ZNF723: variants seen among roughly 807,000 people sequenced by gnomAD.
ZNF723 encodes zinc finger protein 723, pseudogene.
Under a neutral mutation model 9.4 loss-of-function variants are expected in ZNF723, and 5 were observed. The ratio of observed to expected loss-of-function variants is 0.53; its 90% CI spans 0.28 to 1.12. ZNF723 has a LOEUF of 1.12. ZNF723 is among the 50% of genes most tolerant of loss of function. The pLI is 0.10. For synonymous variants in ZNF723, 158 were observed against 168.8 expected (o/e 0.94, Z 0.49); for missense variants, 450 against 501.5 (o/e 0.90, Z 0.98).
upstream of ZNF723, among the ~76,000 whole-genome samples, chr19:22,827,475 T>G (rs1157814656): frequency 6.6e-6 from 1 of 151,014 alleles, no homozygotes; most frequent in African/African-American, 2.5e-5. Context: ...TGAGACAAAG[T>G]CTTGCTCTGT....
At chr19:22,848,683 G>T (rs181850316) in intron 2 of ZNF723, among the ~76,000 whole-genome samples, 39 of 152,044 alleles carry the variant, frequency 2.6e-4, no homozygotes, top group African/African-American at 8.7e-4. Flanking sequence ...TAACATCTAA[G>T]TGTCACCACC....
intron 1 of ZNF723, among the ~76,000 whole-genome samples, chr19:22,836,858 T>G (rs1201976965): frequency 6.6e-6 from 1 of 152,200 alleles, no homozygotes. Flanking sequence ...CTTTCTTCCA[T>G]TTGACATTTC....
chr19:22,817,487 T>C, the ZNF723 span, among the ~76,000 whole-genome samples: 3 of 151,596 alleles, frequency 2.0e-5, no homozygotes, highest in African/African-American at 4.8e-5. Context: ...GCCCAGCAAT[T>C]AGGTGAGGTG....
chr19:22,814,769 C>G, the ZNF723 span, among the ~76,000 whole-genome samples: 2 of 152,124 alleles, frequency 1.3e-5, no homozygotes, highest in Non-Finnish European at 2.9e-5. Context: ...CTGCCTGGGC[C>G]CTACAGATGG....
intron 3 of ZNF723, among the ~76,000 whole-genome samples, chr19:22,854,171 ACAC>A (rs796865581): frequency 6.8e-6 from 1 of 147,424 alleles, no homozygotes; most frequent in Admixed American, 6.8e-5. Context: ...ACACACACAC[ACAC>A]ATTTGTTATG....
At chr19:22,820,768 C>T in the ZNF723 span, among the ~76,000 whole-genome samples, 2,479 of 152,262 alleles carry the variant, frequency 0.016, 69 homozygotes, top group African/African-American at 0.056. Flanking sequence ...ACACGTGATA[C>T]GGTGTTTCTC....
chr19:22,851,936 G>A (rs1172253547), intron 3 of ZNF723, among the ~76,000 whole-genome samples: 2 of 152,024 alleles, frequency 1.3e-5, no homozygotes, highest in East Asian at 1.9e-4. Context: ...GCAGGCATGT[G>A]CCACCACGCC....
chr19:22,837,308 A>AAAAG (rs199950611), intron 1 of ZNF723, among the ~76,000 whole-genome samples: 13 of 151,608 alleles, frequency 8.6e-5, no homozygotes, highest in Admixed American at 2.6e-4. Flanking sequence ...AAGAAAAAAG[A>AAAAG]AAAGAAAGAA....
At chr19:22,831,203 G>C (rs909902694), upstream of ZNF723, among the ~76,000 whole-genome samples, 16 of 152,166 alleles carry the variant, frequency 1.1e-4, 1 homozygote, top group South Asian at 1.7e-3. Flanking sequence ...CCTGAGAACC[G>C]ACAGTGTGCT....
intron 3 of ZNF723, among the ~76,000 whole-genome samples, chr19:22,852,577 T>A (rs1405990311): frequency 6.6e-6 from 1 of 152,222 alleles, no homozygotes; most frequent in African/African-American, 2.4e-5. Context: ...TATTTGTGAA[T>A]ATATTATTTT....
At chr19:22,830,580 G>A (rs1462599395), upstream of ZNF723, among the ~76,000 whole-genome samples, 1 of 151,964 alleles carries the variant, frequency 6.6e-6, no homozygotes, top group African/African-American at 2.4e-5. Flanking sequence ...TATTTCATGG[G>A]TCTGCAGAAG....
chr19:22,856,034 A>G (rs1386636231), intron 3 of ZNF723, among the ~76,000 whole-genome samples: 1 of 152,056 alleles, frequency 6.6e-6, no homozygotes, highest in Non-Finnish European at 1.5e-5. Context: ...GTCTTGGCTC[A>G]CTGCAACTTC....
intron 1 of ZNF723, among the ~76,000 whole-genome samples, chr19:22,836,753 T>C (rs997933551): frequency 2.0e-5 from 3 of 152,234 alleles, no homozygotes; most frequent in African/African-American, 7.2e-5. Flanking sequence ...GAAAAAGATT[T>C]GCAGAGTCTA....
At chr19:22,822,530 T>C in the ZNF723 span, among the ~76,000 whole-genome samples, 2 of 152,174 alleles carry the variant, frequency 1.3e-5, no homozygotes, top group Non-Finnish European at 2.9e-5. Flanking sequence ...CTTCCAATGG[T>C]ACAGAGAGTG....
intron 3 of ZNF723, among the ~76,000 whole-genome samples, chr19:22,855,013 C>G (rs529139427): frequency 1.6e-4 from 25 of 151,994 alleles, no homozygotes; most frequent in Non-Finnish European, 3.4e-4. Flanking sequence ...TGCCATTGCA[C>G]TCCAGCCTGG....
At chr19:22,825,517 G>C in the ZNF723 span, among the ~76,000 whole-genome samples, 1 of 152,230 alleles carries the variant, frequency 6.6e-6, no homozygotes, top group African/African-American at 2.4e-5. Context: ...AAGAATCTAG[G>C]TGATGTAACT....
intron 1 of ZNF723, among the ~76,000 whole-genome samples, chr19:22,847,834 C>G (rs1371084947): frequency 6.6e-6 from 1 of 152,042 alleles, no homozygotes; most frequent in Non-Finnish European, 1.5e-5. Flanking sequence ...GGCGTGGTGT[C>G]TCACACCTGT....
At chr19:22,849,712 C>CA (rs1264231013) in intron 3 of ZNF723, among the ~76,000 whole-genome samples, 5 of 152,096 alleles carry the variant, frequency 3.3e-5, no homozygotes, top group African/African-American at 9.7e-5. Context: ...AGTTCGAGAC[C>CA]AGCCTGGCCA....
chr19:22,829,759 T>C (rs1224101062), upstream of ZNF723, among the ~76,000 whole-genome samples: 1 of 152,240 alleles, frequency 6.6e-6, no homozygotes, highest in Non-Finnish European at 1.5e-5. Flanking sequence ...AACTGAAACC[T>C]AACTTGATAA....
Sources: allele counts gnomAD v4.1 joint callset (sites outside exome capture counted in the v4.1 genomes callset), GRCh38; gene constraint gnomAD v4.1.1; transcripts MANE v1.5; gene names NCBI Gene and HGNC (gene_info 2026-07-23, HGNC 2026-07-21).